Variants in DLG3 observed in about 807,000 individuals in gnomAD.
DLG3 encodes the protein disks large homolog 3.
A neutral mutation model predicts 64.1 loss-of-function variants in DLG3; 1 was observed. That is an observed-to-expected ratio of 0.02 (90% CI 0.01 to 0.07). The LOEUF is 0.07. DLG3 is among the 10% of genes least tolerant of loss of function. The probability of loss-of-function intolerance (pLI) is 1.00; values close to 1 mark genes in which losing one functional copy is unlikely to be tolerated. For missense variants in DLG3, 429 were observed against 669.5 expected (o/e 0.64, Z 3.96); for synonymous variants, 245 against 259.8 (o/e 0.94, Z 0.55).
chrX:70,467,855 G>A (rs749299086), intron 9 of DLG3, among the ~76,000 whole-genome samples: 7 of 111,669 alleles, frequency 6.3e-5, no homozygotes, highest in Non-Finnish European at 9.4e-5. Context: ...GGTTGCAAGA[G>A]CCAAAGACTC....
intron 10 of DLG3, among the ~76,000 whole-genome samples, chrX:70,490,363 CT>C (rs1317536274): frequency 9.0e-6 from 1 of 111,638 alleles, no homozygotes; most frequent in African/African-American, 3.3e-5. Context: ...GTCTTCCTTG[CT>C]TTAGGAAATG....
In DLG3 at chrX:70,502,492, G is replaced by A; in HGVS notation, c.*223G>A. On this transcript the variant is annotated 3_prime_UTR_variant, in exon 19 of 19. Coordinates refer to ENST00000374360, the MANE Select transcript of DLG3 (RefSeq NM_021120.4). ...GGGATGATGCCATCTCATTCATCAT[G>A]TGACTGTGCCCATTCCTGCATGGAC... 1 of 360,869 alleles carries A rather than the reference G, an allele frequency of 2.8e-6. No homozygotes were observed. The highest frequency in any genetic ancestry group is 4.9e-6 in the Non-Finnish European group (1 of 205,781). 29.7% of individuals were successfully genotyped at this position (360,869 alleles called of 1,213,427 possible).
At chrX:70,449,562 G>A (rs1480471329) in intron 3 of DLG3, 79 bp downstream of exon 3, 5 of 542,287 alleles carry the variant, frequency 9.2e-6, no homozygotes, top group Non-Finnish European at 1.1e-5. Flanking sequence ...CTGGCAGGAT[G>A]ACCCTTCCAT....
At chrX:70,452,419 A>G in intron 7 of DLG3, 1 of 949,013 alleles carries the variant, frequency 1.1e-6, no homozygotes, top group Non-Finnish European at 1.3e-6. Flanking sequence ...GGCTGGCGGG[A>G]CTCTGACCGG....
chrX:70,446,514 G>A (rs1447466648), intron 1 of DLG3, among the ~76,000 whole-genome samples: 1 of 112,597 alleles, frequency 8.9e-6, no homozygotes, highest in African/African-American at 3.2e-5. Context: ...GCAAGGGGCA[G>A]CTGCCCTGGT....
At position 70,502,969 on chromosome X, in the gene DLG3, G is replaced by C. The variant is rs1013164482; in HGVS notation, c.*700G>C. On this transcript the variant is annotated 3_prime_UTR_variant, in exon 19 of 19. Coordinates refer to ENST00000374360, the MANE Select transcript of DLG3 (RefSeq NM_021120.4). Reference sequence around the variant, plus strand: ...CTTCTATCCCAGCTGGTTGGGAAGGGATTGAAGATGGTAGCAAGTGCTGCA... The same window carrying C: ...CTTCTATCCCAGCTGGTTGGGAAGGCATTGAAGATGGTAGCAAGTGCTGCA... 4 of 110,825 alleles carry C rather than the reference G, an allele frequency of 3.6e-5. No homozygotes were observed. The highest frequency in any genetic ancestry group is 1.3e-4 in the African/African-American group (4 of 30,347). The allele number at this position is 110,825 out of a possible 1,213,427, so 9.1% of individuals were successfully genotyped here. A position where few individuals can be genotyped will look rare whatever the true frequency, so the allele number is the denominator to read the frequency against.
At chrX:70,493,482 A>G (rs1191986975) in intron 12 of DLG3, 1 of 1,183,453 alleles carries the variant, frequency 8.4e-7, no homozygotes, top group Non-Finnish European at 1.1e-6. Context: ...GAACGTAAGT[A>G]GCAGCAGAGT....
At chrX:70,447,385 G>A (rs5936899) in intron 1 of DLG3, among the ~76,000 whole-genome samples, 1 of 112,105 alleles carries the variant, frequency 8.9e-6, no homozygotes, top group East Asian at 2.8e-4. Context: ...TGTTGGTTTC[G>A]GGTCTCTAAG....
chrX:70,479,027 G>T, intron 9 of DLG3, 123 bp from the exon 10 acceptor site: 1 of 585,958 alleles, frequency 1.7e-6, no homozygotes, highest in African/African-American at 2.2e-5. Flanking sequence ...CAAAGACTGA[G>T]TGGGCTGGCT....
At chrX:70,463,412 G>C (rs934826638) in intron 9 of DLG3, among the ~76,000 whole-genome samples, 1 of 111,452 alleles carries the variant, frequency 9.0e-6, no homozygotes, top group Non-Finnish European at 1.9e-5. Context: ...CTCCCAAAGT[G>C]CTGGGATTAC....
intron 12 of DLG3, among the ~76,000 whole-genome samples, chrX:70,493,066 T>C (rs1360928695): frequency 8.9e-6 from 1 of 111,756 alleles, no homozygotes; most frequent in Non-Finnish European, 1.9e-5. Context: ...AGTAGATGTG[T>C]ATATCAGTGG....
At position 70,456,936 on chromosome X, in the gene DLG3, C is replaced by A. The variant is rs2086719696; in HGVS notation, c.1405+2620C>A. Reference sequence around the variant, plus strand: ...AGGATTACATCACGGTGGGTATTTACAAAATGAATAATCCAAATACATGTA... The same window carrying A: ...AGGATTACATCACGGTGGGTATTTAAAAAATGAATAATCCAAATACATGTA... On this transcript the variant is annotated intron_variant, in intron 9 of 18. Transcript: ENST00000374360. Among the ~76,000 whole-genome samples the A allele has an allele frequency of 2.7e-5, 3 of 111,577 alleles. No homozygotes were observed. The Admixed American group carries it at 2.9e-4, about 11-fold the overall frequency.
chrX:70,456,751 CTT>C (rs71909380), intron 9 of DLG3, among the ~76,000 whole-genome samples: 4 of 103,841 alleles, frequency 3.9e-5, no homozygotes, highest in Non-Finnish European at 5.9e-5. Flanking sequence ...CATGCAAAAG[CTT>C]TTTTTTTTTT....
At position 70,499,452 on chromosome X, in the gene DLG3, A is replaced by G. The variant is rs1388816117; in HGVS notation, c.1972+175A>G. On this transcript the variant is annotated intron_variant, in intron 15 of 18. Transcript: ENST00000374360. ...ATTCCCCAAAAGCTGATGGGGTTGG[A>G]GAGATTAAGCCATCAGGCTTGGCTG... is the stretch of plus-strand genomic sequence containing the variant. Among the ~76,000 whole-genome samples, 6 of 111,966 alleles carry G rather than the reference A, an allele frequency of 5.4e-5. No individual in the cohort carries two copies. In the Admixed American group the frequency reaches 5.7e-4, roughly 11 times the overall value.
chrX:70,445,456 G>A lies in DLG3; in HGVS notation c.255G>A (p.Val85=). The change falls in exon 1 of 19, where the codon GTG becomes GTA. Residue 85 remains valine, a synonymous_variant. Coordinates refer to ENST00000374360, the MANE Select transcript of DLG3 (RefSeq NM_021120.4). ...CCACCGGCCGGGATGTGGGGCCGGT[G>A]CCTCCTAAGCCAGTCCCGGGCAAGA... is the stretch of plus-strand genomic sequence containing the variant. ...LIPTGRDVGP[V]PPKPVPGKST... The A allele has an allele frequency of 8.3e-7, 1 of 1,202,351 alleles. No individual in the cohort carries two copies. Among genetic ancestry groups the A allele is most frequent in the Admixed American group, 2.2e-5 (1 of 45,378 alleles).
Position 70,482,733 on chromosome X carries a change from C to T in DLG3, c.1520+3469C>T, listed in dbSNP as rs775871879. ...CAGGCTGGAGTGGAGTGCAGTGGCG[C>T]GATATAGGCTCACTACAAGCTCCGC... On this transcript the variant is annotated intron_variant, in intron 10 of 18. Transcript: ENST00000374360. Among the ~76,000 whole-genome samples the T allele has an allele frequency of 5.6e-5, 5 of 90,055 alleles. No homozygotes were observed. In the South Asian group the frequency reaches 2.5e-3, roughly 44 times the overall value. 78.2% of individuals were successfully genotyped at this position (90,055 alleles called of 115,157 possible). A position where few individuals can be genotyped will look rare whatever the true frequency, so the allele number is the denominator to read the frequency against.
chrX:70,469,738 G>A (rs747220667), intron 9 of DLG3, among the ~76,000 whole-genome samples: 4 of 111,605 alleles, frequency 3.6e-5, no homozygotes, highest in Non-Finnish European at 7.5e-5. Flanking sequence ...GTGAGCCACC[G>A]CGCCAGCCCA....
At chrX:70,469,598 A>G (rs2086937634) in intron 9 of DLG3, among the ~76,000 whole-genome samples, 1 of 108,877 alleles carries the variant, frequency 9.2e-6, no homozygotes, top group Non-Finnish European at 1.9e-5. Context: ...GCCCACCACT[A>G]TGCCTGGCTA....
intron 9 of DLG3, among the ~76,000 whole-genome samples, chrX:70,467,069 A>G (rs1042686661): frequency 6.3e-5 from 7 of 110,746 alleles, no homozygotes; most frequent in Admixed American, 4.8e-4. Flanking sequence ...ACATGCTACC[A>G]AGCATGGCTA....
Sources: gnomAD v4.1 joint callset for allele counts (sites outside exome capture counted in the v4.1 genomes callset) on GRCh38, gnomAD v4.1.1 for gene constraint, MANE v1.5 for transcripts, NCBI Gene and HGNC (gene_info 2026-07-23, HGNC 2026-07-21) for gene names.